The following ST3GAL1 variants were observed in gnomAD, a reference collection of about 807,000 sequenced individuals.
ST3GAL1 encodes CMP-N-acetylneuraminate-beta-galactosamide-alpha-2,3-sialyltransferase 1.
ST3GAL1 carries 16 observed loss-of-function variants against 34.1 expected under a neutral mutation model. The ratio of observed to expected loss-of-function variants is 0.47; its 90% CI spans 0.32 to 0.71. The LOEUF (loss-of-function observed/expected upper bound fraction) is 0.71, where lower values mean the gene tolerates loss of function less well. Ranked by LOEUF, ST3GAL1 falls within the 30% of genes least tolerant of loss-of-function variation. The probability of loss-of-function intolerance (pLI) is 0.04; values close to 1 mark genes in which losing one functional copy is unlikely to be tolerated. For missense variants in ST3GAL1, 353 were observed against 447.4 expected (o/e 0.79, Z 1.90); for synonymous variants, 191 against 184.7 (o/e 1.03, Z -0.28).
intron 2 of ST3GAL1, among the ~76,000 whole-genome samples, chr8:133,533,390 C>G (rs1430514870): frequency 6.6e-6 from 1 of 152,174 alleles, no homozygotes; most frequent in Non-Finnish European, 1.5e-5. Context: ...CATGGGCTCT[C>G]GAGCAGCCTA....
intron 2 of ST3GAL1, among the ~76,000 whole-genome samples, chr8:133,536,430 T>C (rs1299739828): frequency 1.3e-5 from 2 of 152,210 alleles, no homozygotes; most frequent in Non-Finnish European, 2.9e-5. Flanking sequence ...GATCAATCTG[T>C]AGGTTGATTT....
intron 2 of ST3GAL1, among the ~76,000 whole-genome samples, chr8:133,525,098 A>G (rs1205794256): frequency 1.3e-5 from 2 of 152,186 alleles, no homozygotes; most frequent in Non-Finnish European, 2.9e-5. Flanking sequence ...AGGAAGAATG[A>G]GGTATGCAGA....
At chr8:133,495,600 G>A (rs1394673303) in intron 3 of ST3GAL1, among the ~76,000 whole-genome samples, 1 of 152,208 alleles carries the variant, frequency 6.6e-6, no homozygotes, top group East Asian at 1.9e-4. Context: ...GCAAGGCTCT[G>A]ACTGCTCTGT....
chr8:133,473,758 G>A (rs1816054587), intron 5 of ST3GAL1, among the ~76,000 whole-genome samples: 1 of 152,226 alleles, frequency 6.6e-6, no homozygotes, highest in South Asian at 2.1e-4. Context: ...CGCAACTGGG[G>A]ATGGGGCACT....
chr8:133,568,860 C>T (rs562638670), intron 1 of ST3GAL1, among the ~76,000 whole-genome samples: 1 of 152,212 alleles, frequency 6.6e-6, no homozygotes, highest in Admixed American at 6.5e-5. Flanking sequence ...GACCCAGGAC[C>T]TAGAAGGACT....
At chr8:133,565,350 C>A (rs1384791493) in intron 1 of ST3GAL1, among the ~76,000 whole-genome samples, 1 of 152,222 alleles carries the variant, frequency 6.6e-6, no homozygotes, top group Non-Finnish European at 1.5e-5. Flanking sequence ...CAGGGTTGAT[C>A]CGCCTGGCTC....
chr8:133,504,515 G>A (rs192613032), intron 2 of ST3GAL1, among the ~76,000 whole-genome samples: 64 of 152,344 alleles, frequency 4.2e-4, no homozygotes, highest in African/African-American at 1.5e-3. Context: ...GAAGTGGGAA[G>A]TCAATCCCAG....
At chr8:133,547,005 GAA>G (rs773473340) in intron 1 of ST3GAL1, among the ~76,000 whole-genome samples, 1 of 62,836 alleles carries the variant, frequency 1.6e-5, no homozygotes, top group Non-Finnish European at 2.6e-5. Flanking sequence ...TCCATCTCAG[GAA>G]AAAAAAAAAA....
rs1658900262 is a variant in ST3GAL1, at chr8:133,571,858, C to CT, written c.-748dup. 1 of 152,850 alleles carries CT rather than the reference C, an allele frequency of 6.5e-6. No homozygotes were observed. Among genetic ancestry groups the CT allele is most frequent in the South Asian group, 2.1e-4 (1 of 4,850 alleles). The allele number at this position is 152,850 out of a possible 1,614,324, so 9.5% of individuals were successfully genotyped here. ...CTCCTCCTCCCTCCGGTCTAGGGCT[C>CT]TTTGTCTTTGCAAAGTGTCGAAACT... On this transcript the variant is annotated 5_prime_UTR_variant, in exon 1 of 10. Coordinates refer to ENST00000522652, the MANE Select transcript of ST3GAL1 (RefSeq NM_173344.3). The surrounding 1 kb of genome is among the most constrained non-coding windows in gnomAD (Gnocchi z 6.7).
At chr8:133,488,417 T>G (rs1816680431) in intron 3 of ST3GAL1, 1 of 152,216 alleles carries the variant, frequency 6.6e-6, no homozygotes, top group South Asian at 2.1e-4. Context: ...GTTGAAGGCC[T>G]TAAGGGCAAA....
At chr8:133,514,785 C>T (rs1373134071) in intron 2 of ST3GAL1, among the ~76,000 whole-genome samples, 5 of 152,208 alleles carry the variant, frequency 3.3e-5, no homozygotes, top group Middle Eastern at 3.4e-3. Context: ...TGGGTCTGCC[C>T]GCTAAGACCC....
intron 2 of ST3GAL1, among the ~76,000 whole-genome samples, chr8:133,542,113 C>CACACA (rs1563735220): frequency 1.7e-5 from 2 of 116,336 alleles, no homozygotes; most frequent in South Asian, 3.6e-4. Flanking sequence ...ACACACACAC[C>CACACA]CACGCACACA....
rs527479047 is a variant in ST3GAL1, at chr8:133,556,721, C to T, written c.-581-10795G>A. 4.6e-5 allele frequency among the ~76,000 whole-genome samples: 7 copies of T among 152,292 alleles called. No individual in the cohort carries two copies. In the South Asian group the frequency reaches 8.3e-4, roughly 18 times the overall value. ...CATGGAAACCTTGCACCCAAGGACA[C>T]GGCTGACATCATATAAAGTCTGTCC... On this transcript the variant is annotated intron_variant, in intron 1 of 9. Coordinates refer to ENST00000522652, the MANE Select transcript of ST3GAL1 (RefSeq NM_173344.3). This position sits in a 1 kb window ranked among gnomAD's most constrained non-coding sequence, Gnocchi z 8.9.
chr8:133,525,597 C>T (rs2047516737), intron 2 of ST3GAL1, among the ~76,000 whole-genome samples: 1 of 152,168 alleles, frequency 6.6e-6, no homozygotes, highest in South Asian at 2.1e-4. Context: ...GCATCCACAG[C>T]ACCCAGGCTG....
chr8:133,464,933 C>A lies in ST3GAL1; in HGVS notation c.528G>T (p.Gly176=), dbSNP rs369675921. The A allele has an allele frequency of 6.2e-6, 10 of 1,613,528 alleles. No individual in the cohort carries two copies. Among genetic ancestry groups the A allele is most frequent in the Admixed American group, 1.7e-5 (1 of 59,960 alleles). The change falls in exon 7 of 10, where the codon GGG becomes GGT. Residue 176 remains glycine, a synonymous_variant. Coordinates refer to ENST00000522652, the MANE Select transcript of ST3GAL1 (RefSeq NM_173344.3). ...VLRMNKAPTA[G]FEADVGTKTT... ...TCTTGGTCCCAACATCAGCTTCAAA[C>A]CCTGCCGTGGGCGCCTTGTTCATCC...
intron 1 of ST3GAL1, among the ~76,000 whole-genome samples, chr8:133,546,804 G>A (rs577107174): frequency 1.3e-3 from 203 of 152,206 alleles, no homozygotes; most frequent in African/African-American, 4.8e-3. Context: ...TTCAAAACCA[G>A]CCTGGCCAAC....
intron 2 of ST3GAL1, among the ~76,000 whole-genome samples, chr8:133,522,194 A>G (rs1371955114): frequency 2.0e-5 from 3 of 152,210 alleles, no homozygotes; most frequent in African/African-American, 7.2e-5. Flanking sequence ...TACCCAAAGC[A>G]GAGAAAAAGT....
At chr8:133,560,527 G>A (rs543461021) in intron 1 of ST3GAL1, among the ~76,000 whole-genome samples, 8 of 152,332 alleles carry the variant, frequency 5.3e-5, no homozygotes, top group Middle Eastern at 6.8e-3. Context: ...ACCAGGTGGA[G>A]AAAAGTCAGG....
intron 2 of ST3GAL1, among the ~76,000 whole-genome samples, chr8:133,540,768 T>TAA (rs1818449333): frequency 1.3e-5 from 1 of 75,310 alleles, no homozygotes; most frequent in African/African-American, 7.1e-5. Context: ...TATAGACATA[T>TAA]ATATATAGAG....
Sources: allele counts gnomAD v4.1 joint callset (sites outside exome capture counted in the v4.1 genomes callset), GRCh38; gene constraint gnomAD v4.1.1; non-coding constraint Gnocchi (gnomAD v3.1); transcripts MANE v1.5; gene names NCBI Gene and HGNC (gene_info 2026-07-23, HGNC 2026-07-21).